Variants in CPEB3 observed in about 807,000 individuals in gnomAD.
CPEB3 encodes the protein cytoplasmic polyadenylation element binding protein 3, also known as cytoplasmic polyadenylation element-binding protein 3.
In CPEB3, 20 loss-of-function variants were observed where a neutral mutation model predicts 67.2. The ratio of observed to expected loss-of-function variants is 0.30; its 90% CI spans 0.21 to 0.43. The LOEUF (loss-of-function observed/expected upper bound fraction) is 0.43. Ranked by LOEUF, CPEB3 falls within the 20% of genes least tolerant of loss-of-function variation. CPEB3 has a pLI of 1.00. For missense variants in CPEB3, 746 were observed against 968.6 expected (o/e 0.77, Z 3.05); for synonymous variants, 376 against 393.1 (o/e 0.96, Z 0.51).
In CPEB3 at chr10:92,119,019, TCC is replaced by T; in HGVS notation, c.1454-7827_1454-7826del. ...CACACAGCTAAGTTTGCACTCGTCT[TCC>T]CTCTCATGTATCATACCTGGAATGG... On this transcript the variant is annotated intron_variant, in intron 6 of 9. Coordinates refer to ENST00000265997, the MANE Select transcript of CPEB3 (RefSeq NM_014912.5). 5 of 1,551,440 alleles carry T rather than the reference TCC, an allele frequency of 3.2e-6. No homozygotes were observed. The East Asian group carries it at 1.1e-4, about 35-fold the overall frequency.
rs1302396098 is a variant in CPEB3 at position 92,052,382 on chromosome 10, G to A, written c.1927C>T (p.Arg643Cys). The change falls in exon 10 of 10, where the codon CGC becomes TGC. Residue 643 changes from arginine (R) to cysteine (C), a missense_variant. Transcript: ENST00000265997. The part of the protein sequence containing the change: ...DQMCDECQGT[R>C]CGGKFAPFFC... ...AACGGGGCAAACTTCCCACCACAGC[G>A]TGTGCCCTGGCACTCATCACACATC... 8 of 1,614,088 alleles carry A rather than the reference G, an allele frequency of 5.0e-6. No homozygotes were observed. In the East Asian group the frequency reaches 6.7e-5, roughly 13 times the overall value.
Position 92,245,133 on chromosome 10 carries a change from C to CTTT in CPEB3, c.-11-4775_-11-4773dup, listed in dbSNP as rs989695063. On this transcript the variant is annotated intron_variant, in intron 1 of 9. Transcript: ENST00000265997. ...ACAAACAAAAACCTAAGAAAAGAGT[C>CTTT]TTTTTTTTTTTTTTTTTTTTTTGAG... Among the ~76,000 whole-genome samples, 717 of 98,084 alleles carry CTTT rather than the reference C, an allele frequency of 7.3e-3. 3 individuals are homozygous for CTTT. The highest frequency in any genetic ancestry group is 9.1e-3 in the Non-Finnish European group (450 of 49,186). The allele number at this position is 98,084 out of a possible 152,430, so 64.3% of individuals were successfully genotyped here. A position where few individuals can be genotyped will look rare whatever the true frequency, so the allele number is the denominator to read the frequency against.
intron 1 of CPEB3, among the ~76,000 whole-genome samples, chr10:92,250,298 G>A (rs1158140230): frequency 6.6e-6 from 1 of 151,770 alleles, no homozygotes; most frequent in East Asian, 2.0e-4. Flanking sequence ...GTGTTAGCCA[G>A]GATGGTCTCC....
Position 92,081,524 on chromosome 10 carries a change from G to A in CPEB3, c.1688-23C>T, listed in dbSNP as rs79933341. 504 of 1,597,012 alleles carry A rather than the reference G, an allele frequency of 3.2e-4. 4 individuals are homozygous for A. The East Asian group carries it at 0.01, about 33-fold the overall frequency. On this transcript the variant is annotated intron_variant, in intron 8 of 9. Coordinates refer to ENST00000265997, the MANE Select transcript of CPEB3 (RefSeq NM_014912.5). ...CAACTGCAAAAAAAAAACAAAACAT[G>A]GATGTGTATAAATATCTGGGAGGTA...
At chr10:92,057,049 TTGGGCCC>T (rs1842138162) in intron 9 of CPEB3, among the ~76,000 whole-genome samples, 1 of 152,192 alleles carries the variant, frequency 6.6e-6, no homozygotes, top group African/African-American at 2.4e-5. Context: ...TGAAGAGCCC[TTGGGCCC>T]TGAATAGCCA....
At chr10:92,133,082 A>G (rs2133735696) in intron 6 of CPEB3, among the ~76,000 whole-genome samples, 1 of 152,330 alleles carries the variant, frequency 6.6e-6, no homozygotes, top group East Asian at 1.9e-4. Context: ...TCTAAAATCA[A>G]CACCCTAACA....
Position 92,239,282 on chromosome 10 carries a change from G to GTCC in CPEB3, c.1005+63_1005+64insGGA. On this transcript the variant is annotated intron_variant, in intron 2 of 9. Transcript: ENST00000265997. The surrounding 1 kb of genome is among the most constrained non-coding windows in gnomAD (Gnocchi z 6.0). ...AATATAAGCGGGTGGATGATTAAAA[G>GTCC]TCAGAGAAGTGGCAAAAGGAGCGGG... 6.5e-7 allele frequency: 1 copy of GTCC among 1,528,986 alleles called. No individual in the cohort carries two copies. Among genetic ancestry groups the GTCC allele is most frequent in the Non-Finnish European group, 8.9e-7 (1 of 1,126,578 alleles). The allele number at this position is 1,528,986 out of a possible 1,614,324, so 94.7% of individuals were successfully genotyped here.
intron 3 of CPEB3, among the ~76,000 whole-genome samples, chr10:92,190,665 C>CAAAAAAAAAAA (rs780757034): frequency 1.4e-4 from 11 of 78,394 alleles, no homozygotes; most frequent in Non-Finnish European, 1.6e-4. Context: ...AACTCCATCT[C>CAAAAAAAAAAA]AAAAAAAAAA....
intron 2 of CPEB3, among the ~76,000 whole-genome samples, chr10:92,237,907 T>A (rs141054206): frequency 3.6e-3 from 543 of 152,336 alleles, no homozygotes; most frequent in African/African-American, 0.012. Context: ...TCCTGAAGGA[T>A]CCTTGTGAAA....
intron 2 of CPEB3, among the ~76,000 whole-genome samples, chr10:92,234,849 G>A (rs982766888): frequency 4.0e-5 from 6 of 151,814 alleles, no homozygotes; most frequent in Non-Finnish European, 8.8e-5. Context: ...CTCTTGAACC[G>A]GGGAGGCAGA....
At chr10:92,289,729 A>AT (rs1174645968) in intron 1 of CPEB3, among the ~76,000 whole-genome samples, 13 of 111,344 alleles carry the variant, frequency 1.2e-4, no homozygotes, top group Middle Eastern at 4.1e-3. Flanking sequence ...AAAAAAAAAA[A>AT]AAAATATATA....
chr10:92,088,777 C>A (rs1278607209), intron 8 of CPEB3, among the ~76,000 whole-genome samples: 2 of 152,266 alleles, frequency 1.3e-5, no homozygotes, highest in African/African-American at 4.8e-5. Flanking sequence ...AGTAGGGACA[C>A]CCATATCTAG....
chr10:92,087,259 C>T (rs890777518), intron 8 of CPEB3, among the ~76,000 whole-genome samples: 1 of 152,104 alleles, frequency 6.6e-6, no homozygotes. Flanking sequence ...CACAGAAAAA[C>T]CATCCTCACA....
At chr10:92,211,837 C>T (rs957526580) in intron 2 of CPEB3, among the ~76,000 whole-genome samples, 2 of 151,184 alleles carry the variant, frequency 1.3e-5, no homozygotes, top group African/African-American at 4.9e-5. Flanking sequence ...GCCACTGCGC[C>T]CAGCTCAAAC....
At chr10:92,246,278 G>A (rs1165658967) in intron 1 of CPEB3, among the ~76,000 whole-genome samples, 2 of 150,582 alleles carry the variant, frequency 1.3e-5, no homozygotes, top group Non-Finnish European at 3.0e-5. Flanking sequence ...AGCTTGCAGT[G>A]AGCCAAGATC....
chr10:92,224,017 G>T (rs953211704), intron 2 of CPEB3, among the ~76,000 whole-genome samples: 1 of 152,002 alleles, frequency 6.6e-6, no homozygotes. Flanking sequence ...CATCCACCTT[G>T]GCCTCCCAAA....
At chr10:92,178,723 AATAG>A (rs1182770954) in intron 4 of CPEB3, among the ~76,000 whole-genome samples, 1 of 152,210 alleles carries the variant, frequency 6.6e-6, no homozygotes, top group African/African-American at 2.4e-5. Context: ...AGACAAAAAT[AATAG>A]ATAGGTGTGT....
intron 6 of CPEB3, among the ~76,000 whole-genome samples, chr10:92,123,156 C>T (rs143290075): frequency 3.3e-5 from 5 of 152,274 alleles, no homozygotes; most frequent in African/African-American, 4.8e-5. Flanking sequence ...CAAAGTCTTG[C>T]AGTCCAGGGC....
intron 1 of CPEB3, among the ~76,000 whole-genome samples, chr10:92,250,279 G>A (rs1852237944): frequency 6.6e-6 from 1 of 151,330 alleles, no homozygotes; most frequent in African/African-American, 2.4e-5. Context: ...GTAGTGACGG[G>A]GTTTCACCGT....
Sources: gnomAD v4.1 joint callset for allele counts (sites outside exome capture counted in the v4.1 genomes callset) on GRCh38, gnomAD v4.1.1 for gene constraint, Gnocchi (gnomAD v3.1) non-coding constraint, MANE v1.5 for transcripts, NCBI Gene and HGNC (gene_info 2026-07-23, HGNC 2026-07-21) for gene names.